Variants in RPH3A observed in about 807,000 individuals in gnomAD.
RPH3A encodes rabphilin 3A, also known as rabphilin-3A.
In RPH3A, 48 loss-of-function variants were observed where a neutral mutation model predicts 102.2. That is an observed-to-expected ratio of 0.47 (90% CI 0.37 to 0.60). The LOEUF (loss-of-function observed/expected upper bound fraction) is 0.60, where lower values mean the gene tolerates loss of function less well. RPH3A is among the 20% of genes least tolerant of loss of function. The probability of loss-of-function intolerance (pLI) is 0.00; values close to 1 mark genes in which losing one functional copy is unlikely to be tolerated. For synonymous variants in RPH3A, 310 were observed against 324.3 expected (o/e 0.96, Z 0.47); for missense variants, 781 against 910.1 (o/e 0.86, Z 1.83).
At chr12:112,893,972 A>AT (rs1372175981) in intron 19 of RPH3A, 2 of 152,604 alleles carry the variant, frequency 1.3e-5, no homozygotes, top group Admixed American at 6.5e-5. Context: ...GGAGGATGGC[A>AT]TAAGGTTAGG....
intron 1 of RPH3A, among the ~76,000 whole-genome samples, chr12:112,580,605 A>G (rs1437278567): frequency 4.6e-5 from 7 of 151,182 alleles, no homozygotes; most frequent in Non-Finnish European, 8.8e-5. Context: ...ATGGGGTTTC[A>G]CCGTGTAAGC....
chr12:112,822,911 T>G (rs1214265283), intron 2 of RPH3A, among the ~76,000 whole-genome samples: 1 of 152,224 alleles, frequency 6.6e-6, no homozygotes, highest in Admixed American at 6.5e-5. Flanking sequence ...TGAAAGTAGA[T>G]GATTCTTTAG....
chr12:112,720,133 G>A (rs951565948), intron 1 of RPH3A, among the ~76,000 whole-genome samples: 2 of 152,214 alleles, frequency 1.3e-5, no homozygotes, highest in Non-Finnish European at 2.9e-5. Flanking sequence ...ATTGACAACT[G>A]TCTCCTCCCC....
chr12:112,705,037 A>G (rs1486533099), intron 1 of RPH3A, among the ~76,000 whole-genome samples: 1 of 152,232 alleles, frequency 6.6e-6, no homozygotes, highest in Admixed American at 6.5e-5. Flanking sequence ...TCAATCTGGT[A>G]TGGAGGCTCT....
intron 1 of RPH3A, among the ~76,000 whole-genome samples, chr12:112,621,479 C>T (rs1351186405): frequency 1.0e-4 from 15 of 147,624 alleles, no homozygotes; most frequent in African/African-American, 3.3e-4. Context: ...CACTCCCACC[C>T]GAATATTGCG....
At chr12:112,891,537 G>C (rs2043094400) in intron 19 of RPH3A, among the ~76,000 whole-genome samples, 1 of 152,222 alleles carries the variant, frequency 6.6e-6, no homozygotes, top group Non-Finnish European at 1.5e-5. Flanking sequence ...GTTTATCAGG[G>C]GAAATGCCCA....
intron 1 of RPH3A, among the ~76,000 whole-genome samples, chr12:112,777,565 G>A (rs939493260): frequency 1.3e-5 from 2 of 152,180 alleles, no homozygotes. Context: ...GCCAGAGATG[G>A]AGATACCTCT....
chr12:112,645,994 A>G (rs2039927206), intron 1 of RPH3A, among the ~76,000 whole-genome samples: 1 of 152,200 alleles, frequency 6.6e-6, no homozygotes, highest in African/African-American at 2.4e-5. Flanking sequence ...CCTCATCTGT[A>G]AAATGAGGTT....
At chr12:112,672,826 G>A (rs1247079303) in intron 1 of RPH3A, among the ~76,000 whole-genome samples, 1 of 152,208 alleles carries the variant, frequency 6.6e-6, no homozygotes, top group Admixed American at 6.5e-5. Flanking sequence ...AGACCTTGCA[G>A]TCCTAGGCCT....
intron 1 of RPH3A, among the ~76,000 whole-genome samples, chr12:112,652,699 C>T (rs917798173): frequency 3.9e-5 from 6 of 152,194 alleles, no homozygotes; most frequent in African/African-American, 1.2e-4. Context: ...ATTACTCATT[C>T]ATTCATTAAT....
At chr12:112,708,915 A>G (rs975791567) in intron 1 of RPH3A, among the ~76,000 whole-genome samples, 1 of 151,830 alleles carries the variant, frequency 6.6e-6, no homozygotes, top group African/African-American at 2.4e-5. Flanking sequence ...ATAAATAAAA[A>G]CTCTATCACA....
At chr12:112,841,857 C>T in intron 4 of RPH3A, 1 of 450,218 alleles carries the variant, frequency 2.2e-6, no homozygotes, top group Admixed American at 2.4e-5. Flanking sequence ...ATTCCTGCCA[C>T]TTAAAGTCAG....
intron 5 of RPH3A, among the ~76,000 whole-genome samples, chr12:112,850,253 T>C (rs1339669831): frequency 6.6e-6 from 1 of 152,100 alleles, no homozygotes; most frequent in African/African-American, 2.4e-5. Context: ...TTAATTAGCA[T>C]GCAAAGGATT....
At chr12:112,578,695 G>C (rs1168553422) in intron 1 of RPH3A, among the ~76,000 whole-genome samples, 1 of 152,186 alleles carries the variant, frequency 6.6e-6, no homozygotes, top group Non-Finnish European at 1.5e-5. Context: ...ATTTTAGTCT[G>C]AACTAGCCAC....
intron 16 of RPH3A, among the ~76,000 whole-genome samples, chr12:112,886,109 A>G (rs2042998821): frequency 6.6e-6 from 1 of 152,204 alleles, no homozygotes; most frequent in Admixed American, 6.5e-5. Flanking sequence ...GCCCTCCAGG[A>G]CTTTGAACAT....
At chr12:112,698,499 C>T (rs2040368326) in intron 1 of RPH3A, among the ~76,000 whole-genome samples, 1 of 151,292 alleles carries the variant, frequency 6.6e-6, no homozygotes, top group African/African-American at 2.4e-5. Flanking sequence ...AAACACATAG[C>T]TGATAAGTGA....
chr12:112,688,567 T>G (rs2040284876), intron 1 of RPH3A, among the ~76,000 whole-genome samples: 1 of 152,098 alleles, frequency 6.6e-6, no homozygotes, highest in African/African-American at 2.4e-5. Flanking sequence ...AGCCCATAGG[T>G]CTATAAGGAT....
At chr12:112,735,679 T>G (rs1457918089) in intron 1 of RPH3A, among the ~76,000 whole-genome samples, 1 of 152,092 alleles carries the variant, frequency 6.6e-6, no homozygotes, top group Non-Finnish European at 1.5e-5. Context: ...GAATTTAGGG[T>G]TCACTAGACG....
At chr12:112,726,785 G>C (rs1364171125) in intron 1 of RPH3A, among the ~76,000 whole-genome samples, 1 of 152,190 alleles carries the variant, frequency 6.6e-6, no homozygotes, top group Non-Finnish European at 1.5e-5. Context: ...CACTTTGGGA[G>C]GCTGAGGCAG....
Sources: allele counts gnomAD v4.1 joint callset (sites outside exome capture counted in the v4.1 genomes callset), GRCh38; gene constraint gnomAD v4.1.1; transcripts MANE v1.5; gene names NCBI Gene and HGNC (gene_info 2026-07-23, HGNC 2026-07-21).